The following VGLL4 variants were observed in gnomAD, a reference collection of about 807,000 sequenced individuals.
The protein encoded by VGLL4 is vestigial like family member 4, also known as transcription cofactor vestigial-like protein 4.
In VGLL4, 7 loss-of-function variants were observed where a neutral mutation model predicts 21.0. The ratio of observed to expected loss-of-function variants is 0.33; its 90% CI spans 0.19 to 0.63. The LOEUF is 0.63. Ranked by LOEUF, VGLL4 falls within the 20% of genes least tolerant of loss-of-function variation. The pLI is 0.78. For synonymous variants in VGLL4, 222 were observed against 173.2 expected (o/e 1.28, Z -2.21); for missense variants, 394 against 425.7 (o/e 0.93, Z 0.66).
chr3:11,619,215 A>T (rs2574718), intron 1 of VGLL4, among the ~76,000 whole-genome samples: 63,192 of 151,718 alleles, frequency 0.42, 14,640 homozygotes, highest in South Asian at 0.61. Flanking sequence ...ACAGCAAGCG[A>T]TCAGGGATCA....
chr3:11,566,189 CAG>C (rs1219229329), intron 2 of VGLL4, among the ~76,000 whole-genome samples: 1 of 152,126 alleles, frequency 6.6e-6, no homozygotes, highest in African/African-American at 2.4e-5. Flanking sequence ...CGCATGCACA[CAG>C]AATGTTACAC....
At chr3:11,714,999 G>A (rs977567591) in intron 1 of VGLL4, among the ~76,000 whole-genome samples, 3 of 152,114 alleles carry the variant, frequency 2.0e-5, no homozygotes, top group Non-Finnish European at 4.4e-5. Flanking sequence ...GCCAGGCACG[G>A]TGGCGGGCGC....
chr3:11,716,833 T>C (rs2076925260), intron 1 of VGLL4, among the ~76,000 whole-genome samples: 2 of 152,096 alleles, frequency 1.3e-5, no homozygotes, highest in African/African-American at 2.4e-5. Flanking sequence ...GGACAGATCC[T>C]AAATGCTACA....
At chr3:11,619,574 A>AAC in intron 1 of VGLL4, among the ~76,000 whole-genome samples, 1 of 152,310 alleles carries the variant, frequency 6.6e-6, no homozygotes, top group East Asian at 1.9e-4. Flanking sequence ...GCTAACGCAG[A>AAC]ACACTTGGTG....
At chr3:11,590,970 T>G (rs1433345904) in intron 2 of VGLL4, among the ~76,000 whole-genome samples, 1 of 152,188 alleles carries the variant, frequency 6.6e-6, no homozygotes, top group Non-Finnish European at 1.5e-5. Context: ...GGGACAGCAC[T>G]TCATATACAT....
At chr3:11,705,784 C>T (rs527935648) in intron 1 of VGLL4, among the ~76,000 whole-genome samples, 27 of 152,238 alleles carry the variant, frequency 1.8e-4, no homozygotes, top group Admixed American at 3.3e-4. Flanking sequence ...TAGCCAGGCG[C>T]GGTGGCGGGC....
intron 2 of VGLL4, among the ~76,000 whole-genome samples, chr3:11,576,436 CA>C (rs2074047089): frequency 6.6e-6 from 1 of 152,216 alleles, no homozygotes; most frequent in South Asian, 2.1e-4. Context: ...ATATTTTTGA[CA>C]TTAAATAGAG....
rs367713520 is a variant in VGLL4 at position 11,561,619 on chromosome 3, G to A, written c.496-2164C>T. Among the ~76,000 whole-genome samples the A allele has an allele frequency of 7.4e-4, 112 of 152,262 alleles. 1 individual carries two copies. The South Asian group carries it at 0.022, about 30-fold the overall frequency. ...GCTGGGACTCGTCCACCTAGAACGG[G>A]CCCCAGGCCTCCAGATGGTGAGCGT... On this transcript the variant is annotated intron_variant, in intron 3 of 4. Transcript: ENST00000430365.
At chr3:11,641,836 G>C (rs879513037) in intron 1 of VGLL4, among the ~76,000 whole-genome samples, 14 of 152,100 alleles carry the variant, frequency 9.2e-5, no homozygotes, top group Admixed American at 5.2e-4. Flanking sequence ...CTCGCTGTCC[G>C]TAAGTTGGTC....
chr3:11,714,448 T>C (rs1211579919), intron 1 of VGLL4, among the ~76,000 whole-genome samples: 1 of 151,616 alleles, frequency 6.6e-6, no homozygotes, highest in African/African-American at 2.4e-5. Context: ...CCCAGCACTT[T>C]GGGAGGCCAA....
chr3:11,688,061 TA>T (rs1301291247), intron 2 of VGLL4, among the ~76,000 whole-genome samples: 2 of 152,178 alleles, frequency 1.3e-5, no homozygotes, highest in African/African-American at 2.4e-5. Context: ...ATTTTTCCTT[TA>T]ATCTGTTAAA....
chr3:11,633,147 G>A, intron 1 of VGLL4: 1 of 152,124 alleles, frequency 6.6e-6, no homozygotes, highest in African/African-American at 2.4e-5. Flanking sequence ...GTATCCTTGG[G>A]CTAGTCAGGC....
At chr3:11,650,065 C>A (rs2075847794) in intron 2 of VGLL4, among the ~76,000 whole-genome samples, 1 of 152,022 alleles carries the variant, frequency 6.6e-6, no homozygotes. Context: ...TCAGCAGGAC[C>A]ACAGGTGCAT....
chr3:11,665,086 A>C (rs1039167983), intron 2 of VGLL4, among the ~76,000 whole-genome samples: 10 of 148,516 alleles, frequency 6.7e-5, no homozygotes, highest in Non-Finnish European at 1.5e-4. Context: ...AAATGAAAGC[A>C]ATTTGAATAT....
In VGLL4 at chr3:11,556,684, TCATTAA is replaced by T. The variant is rs1459960816; in HGVS notation, c.*1866_*1871del. 6.6e-6 allele frequency: 1 copy of T among 152,658 alleles called. No individual in the cohort carries two copies. Among genetic ancestry groups the T allele is most frequent in the Admixed American group, 6.5e-5 (1 of 15,282 alleles). The allele number at this position is 152,658 out of a possible 1,614,324, so 9.5% of individuals were successfully genotyped here. A position where few individuals can be genotyped will look rare whatever the true frequency, so the allele number is the denominator to read the frequency against. On this transcript the variant is annotated 3_prime_UTR_variant, in exon 5 of 5. Transcript: ENST00000430365. Reference sequence around the variant, plus strand: ...AAGGGAAAAATTAAATAGCTACATATCATTAACAAATTAATGTTCTTCAAAAAATAC... The same window carrying T: ...AAGGGAAAAATTAAATAGCTACATATCAAATTAATGTTCTTCAAAAAATAC...
At chr3:11,681,137 G>A (rs1424886432) in intron 2 of VGLL4, among the ~76,000 whole-genome samples, 3 of 152,068 alleles carry the variant, frequency 2.0e-5, no homozygotes, top group Non-Finnish European at 2.9e-5. Flanking sequence ...TCGCTCTGCC[G>A]CCCAGGCTGG....
At chr3:11,694,711 G>A (rs2076580015) in intron 2 of VGLL4, among the ~76,000 whole-genome samples, 1 of 152,128 alleles carries the variant, frequency 6.6e-6, no homozygotes, top group African/African-American at 2.4e-5. Context: ...ACCACAACCT[G>A]TATGATGAAA....
At chr3:11,667,610 G>A (rs1379785461) in intron 2 of VGLL4, among the ~76,000 whole-genome samples, 1 of 152,050 alleles carries the variant, frequency 6.6e-6, no homozygotes, top group Admixed American at 6.6e-5. Flanking sequence ...CCATAGAAAG[G>A]CCTCAATAAA....
chr3:11,700,308 A>T (rs1055430256), intron 2 of VGLL4, among the ~76,000 whole-genome samples: 2 of 152,360 alleles, frequency 1.3e-5, no homozygotes, highest in Admixed American at 6.5e-5. Flanking sequence ...TTCATTGTAT[A>T]AACAGTATTT....
Sources: gnomAD v4.1 joint callset for allele counts (sites outside exome capture counted in the v4.1 genomes callset) on GRCh38, gnomAD v4.1.1 for gene constraint, MANE v1.5 for transcripts, NCBI Gene and HGNC (gene_info 2026-07-23, HGNC 2026-07-21) for gene names.